CEP41: variants seen among roughly 807,000 people sequenced by gnomAD.
The protein encoded by CEP41 is centrosomal protein 41.
Under a neutral mutation model 44.3 loss-of-function variants are expected in CEP41, and 32 were observed. The ratio of observed to expected loss-of-function variants is 0.72; its 90% CI spans 0.54 to 0.97. The LOEUF is 0.97. Among genes scored for constraint, CEP41 ranks in the 50% least tolerant of loss-of-function variants. The pLI is 0.00. For missense variants in CEP41, 432 were observed against 455.2 expected (o/e 0.95, Z 0.46); for synonymous variants, 151 against 168.5 (o/e 0.90, Z 0.80).
chr7:130,427,206 A>G (rs1387529444), intron 2 of CEP41, among the ~76,000 whole-genome samples: 2 of 152,230 alleles, frequency 1.3e-5, no homozygotes, highest in Non-Finnish European at 2.9e-5. Flanking sequence ...AAAGGCATAC[A>G]GTACCCCAAT....
Position 130,398,828 on chromosome 7 carries a change from G to T in CEP41, c.*63C>A. 6.3e-7 allele frequency: 1 copy of T among 1,588,266 alleles called. No homozygotes were observed. Among genetic ancestry groups the T allele is most frequent in the South Asian group, 1.1e-5 (1 of 90,398 alleles). On this transcript the variant is annotated 3_prime_UTR_variant, in exon 11 of 11. Coordinates refer to ENST00000223208, the MANE Select transcript of CEP41 (RefSeq NM_018718.3). Reference sequence around the variant, plus strand: ...GAAGTTTCTGGAAATGACCCAACTTGGGAAATGCTCAGGGGTTCTGAAAAG... The same window carrying T: ...GAAGTTTCTGGAAATGACCCAACTTTGGAAATGCTCAGGGGTTCTGAAAAG...
At chr7:130,399,137 C>T in intron 10 of CEP41, 98 bp from the exon 11 acceptor site, 2 of 1,458,840 alleles carry the variant, frequency 1.4e-6, no homozygotes, top group African/African-American at 1.4e-5. Context: ...AGCCTACAAC[C>T]ACTTTTAAGC....
intron 1 of CEP41, among the ~76,000 whole-genome samples, chr7:130,432,797 G>A (rs1554425380): frequency 6.6e-6 from 1 of 151,916 alleles, no homozygotes; most frequent in East Asian, 1.9e-4. Flanking sequence ...GTACCTAGTT[G>A]GCTACTTGCA....
upstream of CEP41, chr7:130,441,260 G>A (rs1554427885): frequency 1.9e-6 from 1 of 530,972 alleles, no homozygotes; most frequent in Non-Finnish European, 3.4e-6. Flanking sequence ...GAGGCGCGGG[G>A]GGAGGGGAAG....
At position 130,434,258 on chromosome 7, in the gene CEP41, C is replaced by T. The variant is rs187555331; in HGVS notation, c.34-6240G>A. ...AGCATTTTACCTACATTATCTCATT[C>T]CCCACAACCACTGTAACCAATATTA... On this transcript the variant is annotated intron_variant, in intron 1 of 10. Coordinates refer to ENST00000223208, the MANE Select transcript of CEP41 (RefSeq NM_018718.3). 7.4e-4 allele frequency among the ~76,000 whole-genome samples: 113 copies of T among 152,226 alleles called. 1 individual carries two copies. The East Asian group carries it at 0.021, about 29-fold the overall frequency.
intron 2 of CEP41, chr7:130,420,435 G>A (rs1797471060): frequency 1.3e-5 from 2 of 150,286 alleles, no homozygotes; most frequent in African/African-American, 4.9e-5. Flanking sequence ...AGGAGTTCAA[G>A]ACCACCCTGG....
At chr7:130,430,398 C>A (rs1156393407) in intron 1 of CEP41, among the ~76,000 whole-genome samples, 2 of 148,430 alleles carry the variant, frequency 1.3e-5, no homozygotes, top group African/African-American at 2.5e-5. Flanking sequence ...CAACTCTTAG[C>A]ATCGGTCCTC....
At chr7:130,419,633 C>T in intron 2 of CEP41, 1 of 984,702 alleles carries the variant, frequency 1.0e-6, no homozygotes, top group Non-Finnish European at 1.2e-6. Context: ...CCAGATAAGA[C>T]TTTTTGATCA....
intron 6 of CEP41, among the ~76,000 whole-genome samples, chr7:130,403,596 T>C (rs1469732568): frequency 6.6e-6 from 1 of 152,246 alleles, no homozygotes; most frequent in Non-Finnish European, 1.5e-5. Context: ...AGAAGATGGT[T>C]ACTTTCTTAG....
chr7:130,397,740 C>T lies in CEP41; in HGVS notation c.*1151G>A, dbSNP rs782254159. The T allele has an allele frequency of 1.3e-5, 6 of 452,764 alleles. No homozygotes were observed. Among genetic ancestry groups the T allele is most frequent in the Non-Finnish European group, 2.7e-5 (6 of 226,030 alleles). The allele number at this position is 452,764 out of a possible 1,614,324, so 28.0% of individuals were successfully genotyped here. ...TGATTTCAGAGTTCCTCATCCTTAC[C>T]TGAGGCCTTTTGTTCCCCCAATTAA... On this transcript the variant is annotated 3_prime_UTR_variant, in exon 11 of 11. Coordinates refer to ENST00000223208, the MANE Select transcript of CEP41 (RefSeq NM_018718.3).
intron 1 of CEP41, chr7:130,440,646 T>C: frequency 1.7e-6 from 1 of 585,596 alleles, no homozygotes. Flanking sequence ...ACTCCGAGAC[T>C]GTAAGCCATT....
chr7:130,429,067 C>T (rs1554424470), intron 1 of CEP41, among the ~76,000 whole-genome samples: 1 of 152,216 alleles, frequency 6.6e-6, no homozygotes, highest in African/African-American at 2.4e-5. Context: ...AGGCAGTTGT[C>T]CTGACCCTCT....
chr7:130,395,971 A>G lies in CEP41; in HGVS notation c.*2920T>C. On this transcript the variant is annotated 3_prime_UTR_variant, in exon 11 of 11. Transcript: ENST00000223208. ...AAGAGATTGAGCCTGACATTATTAC[A>G]GCCCAGGGTGTTCCTTTTGTTTTCA... 4 of 453,732 alleles carry G rather than the reference A, an allele frequency of 8.8e-6. No individual in the cohort carries two copies. The highest frequency in any genetic ancestry group is 1.8e-5 in the Non-Finnish European group (4 of 226,780). 28.1% of individuals were successfully genotyped at this position (453,732 alleles called of 1,614,324 possible). A position where few individuals can be genotyped will look rare whatever the true frequency, so the allele number is the denominator to read the frequency against.
chr7:130,417,098 A>C, intron 2 of CEP41, 132 bp from the exon 3 acceptor site: 1 of 1,419,396 alleles, frequency 7.0e-7, no homozygotes, highest in Non-Finnish European at 9.6e-7. Context: ...GACAGCAGCA[A>C]ACAGGCCACA....
At chr7:130,440,776 A>AG in intron 1 of CEP41, 158 bp downstream of exon 1, 38 of 567,018 alleles carry the variant, frequency 6.7e-5, no homozygotes, top group Middle Eastern at 5.6e-4. Context: ...GCGGCCCCCA[A>AG]GCCCGGCCCG....
At chr7:130,403,174 T>C (rs1157976766) in intron 6 of CEP41, among the ~76,000 whole-genome samples, 2 of 152,262 alleles carry the variant, frequency 1.3e-5, no homozygotes, top group African/African-American at 4.8e-5. Context: ...AAGAATATGG[T>C]TGGTAGGACA....
At chr7:130,437,679 A>G (rs558947492) in intron 1 of CEP41, among the ~76,000 whole-genome samples, 23 of 150,382 alleles carry the variant, frequency 1.5e-4, no homozygotes, top group African/African-American at 5.1e-4. Context: ...AAGTGGGAGA[A>G]TCATTTGAGC....
chr7:130,439,982 C>T (rs1798094335), intron 1 of CEP41, among the ~76,000 whole-genome samples: 1 of 152,180 alleles, frequency 6.6e-6, no homozygotes, highest in African/African-American at 2.4e-5. Context: ...TACTCAAATT[C>T]TGTTCACAGG....
At chr7:130,424,162 C>T (rs567447256) in intron 2 of CEP41, among the ~76,000 whole-genome samples, 29 of 152,170 alleles carry the variant, frequency 1.9e-4, no homozygotes, top group African/African-American at 6.0e-4. Flanking sequence ...TTTGGGAGGC[C>T]GAGGCAGGTG....
Sources: gnomAD v4.1 joint callset for allele counts (sites outside exome capture counted in the v4.1 genomes callset) on GRCh38, gnomAD v4.1.1 for gene constraint, MANE v1.5 for transcripts, NCBI Gene and HGNC (gene_info 2026-07-23, HGNC 2026-07-21) for gene names.